Variants in MYO5A observed in about 807,000 individuals in gnomAD.
MYO5A encodes unconventional myosin-Va.
In MYO5A, 98 loss-of-function variants were observed where a neutral mutation model predicts 249.7. The ratio of observed to expected loss-of-function variants is 0.39; its 90% confidence interval spans 0.33 to 0.46. MYO5A has a LOEUF of 0.46. MYO5A is among the 20% of genes least tolerant of loss of function. MYO5A has a pLI of 0.98. For synonymous variants in MYO5A, 778 were observed against 810.6 expected (o/e 0.96, Z 0.68); for missense variants, 1,696 against 2,308.8 (o/e 0.73, Z 5.44).
Position 52,397,196 on chromosome 15 carries a change from C to T in MYO5A, c.1319+5G>A. 3 of 1,613,834 alleles carry T rather than the reference C, an allele frequency of 1.9e-6. No homozygotes were observed. Among genetic ancestry groups the T allele is most frequent in the Non-Finnish European group, 1.7e-6 (2 of 1,179,966 alleles). On this transcript the variant is annotated splice_donor_5th_base_variant and intron_variant, in intron 10 of 41. Coordinates refer to ENST00000399233, the MANE Select transcript of MYO5A (RefSeq NM_001382347.1). Reference sequence around the variant, plus strand: ...CTGGCAGACCAATTAGCCAAATATACTCACCCGTAAATGTCTAGCACACCA... The same window carrying T: ...CTGGCAGACCAATTAGCCAAATATATTCACCCGTAAATGTCTAGCACACCA...
chr15:52,481,577 G>A (rs769449013), intron 1 of MYO5A, among the ~76,000 whole-genome samples: 2 of 152,162 alleles, frequency 1.3e-5, no homozygotes, highest in Non-Finnish European at 1.5e-5. Context: ...CACCCAACTT[G>A]TGCAAAGAAA....
chr15:52,384,100 T>C, intron 15 of MYO5A, 61 bp downstream of exon 15: 6 of 1,604,320 alleles, frequency 3.7e-6, no homozygotes, highest in Non-Finnish European at 5.1e-6. Flanking sequence ...AGAGGGAAGA[T>C]CTGAGGTTTC....
In MYO5A at chr15:52,379,842, A is replaced by G. The variant is rs201531870; in HGVS notation, c.2079T>C (p.Ser693=). 1.9e-6 allele frequency: 3 copies of G among 1,614,148 alleles called. No homozygotes were observed. Among genetic ancestry groups the G allele is most frequent in the Non-Finnish European group, 1.7e-6 (2 of 1,180,008 alleles). ...ACGVLETIRI[S]AAGFPSRWTY... is the part of the protein sequence containing the mutation. ...CTCACCGTGAGGGGAAACCGGCCGC[A>G]CTGATTCGGATGGTTTCCAGGACAC... Residue 693 remains serine, a synonymous_variant, in exon 17 of 42, where the codon AGT becomes AGC. Transcript: ENST00000399233.
At chr15:52,416,442 T>C in intron 4 of MYO5A, 141 bp from the exon 5 acceptor site, 1 of 780,510 alleles carries the variant, frequency 1.3e-6, no homozygotes, top group Non-Finnish European at 2.1e-6. Context: ...CACCAAGGTC[T>C]CAGGTTCAAT....
intron 1 of MYO5A, among the ~76,000 whole-genome samples, chr15:52,510,039 A>G (rs1253662644): frequency 2.0e-5 from 3 of 152,242 alleles, no homozygotes; most frequent in East Asian, 3.8e-4. Context: ...TGTCACTGCT[A>G]TGGCAGTGAA....
chr15:52,334,665 A>T (rs192273649), intron 34 of MYO5A, among the ~76,000 whole-genome samples: 4 of 152,348 alleles, frequency 2.6e-5, no homozygotes, highest in African/African-American at 9.6e-5. Context: ...TTACTCATTC[A>T]CTCAACAAAC....
chr15:52,464,285 T>A (rs1341777851), intron 1 of MYO5A, among the ~76,000 whole-genome samples: 1 of 152,182 alleles, frequency 6.6e-6, no homozygotes, highest in East Asian at 1.9e-4. Context: ...TAACAGCAAC[T>A]CACTGGGGTC....
intron 10 of MYO5A, among the ~76,000 whole-genome samples, chr15:52,396,978 G>C (rs915194472): frequency 2.6e-5 from 4 of 152,180 alleles, no homozygotes; most frequent in African/African-American, 9.7e-5. Context: ...CTATGCACTA[G>C]CTAAGTAAAT....
intron 8 of MYO5A, 52 bp downstream of exon 8, chr15:52,407,240 C>T: frequency 7.6e-7 from 1 of 1,319,252 alleles, no homozygotes; most frequent in Non-Finnish European, 1.1e-6. Context: ...ACAAAGGTTG[C>T]TTGAGTAAAA....
intron 1 of MYO5A, among the ~76,000 whole-genome samples, chr15:52,523,225 C>A (rs1160538805): frequency 6.7e-6 from 1 of 149,970 alleles, no homozygotes; most frequent in Non-Finnish European, 1.5e-5. Context: ...CCTTCTGCCC[C>A]TGCCTCAGTC....
chr15:52,482,065 G>C (rs2076725482), intron 1 of MYO5A, among the ~76,000 whole-genome samples: 1 of 152,210 alleles, frequency 6.6e-6, no homozygotes, highest in African/African-American at 2.4e-5. Context: ...TGGCTAGGCA[G>C]TTTTTATATT....
At chr15:52,412,795 G>C (rs1448924147) in intron 5 of MYO5A, among the ~76,000 whole-genome samples, 1 of 152,136 alleles carries the variant, frequency 6.6e-6, no homozygotes, top group Non-Finnish European at 1.5e-5. Context: ...AATGATGCAT[G>C]AGTCACTCTT....
chr15:52,448,930 C>CT lies in MYO5A; in HGVS notation c.28-15646dup, dbSNP rs778732528. On this transcript the variant is annotated intron_variant, in intron 1 of 41. Coordinates refer to ENST00000399233, the MANE Select transcript of MYO5A (RefSeq NM_001382347.1). ...ATTAAGTACCCAGTCTCAGGTATTTCTTTTTTTTTTTTCTTTTCTTGTCTT... is the reference window on the plus strand; with the variant it reads ...ATTAAGTACCCAGTCTCAGGTATTTCTTTTTTTTTTTTTCTTTTCTTGTCTT... 7.5e-3 allele frequency among the ~76,000 whole-genome samples: 303 copies of CT among 40,316 alleles called. 2 individuals are homozygous for CT. The highest frequency in any genetic ancestry group is 0.022 in the South Asian group (29 of 1,298). 26.4% of individuals were successfully genotyped at this position (40,316 alleles called of 152,430 possible).
At chr15:52,470,511 G>A (rs1299448321) in intron 1 of MYO5A, among the ~76,000 whole-genome samples, 1 of 152,130 alleles carries the variant, frequency 6.6e-6, no homozygotes, top group Non-Finnish European at 1.5e-5. Context: ...ATTAGCCGGC[G>A]TGGTGGCGCA....
At chr15:52,324,700 A>G (rs1001345875) in intron 36 of MYO5A, among the ~76,000 whole-genome samples, 8 of 152,232 alleles carry the variant, frequency 5.3e-5, no homozygotes, top group Admixed American at 6.5e-5. Flanking sequence ...GTAAAAGTGC[A>G]CAGGATATAT....
chr15:52,427,260 T>C (rs1370480435), intron 3 of MYO5A, among the ~76,000 whole-genome samples: 1 of 152,194 alleles, frequency 6.6e-6, no homozygotes, highest in Non-Finnish European at 1.5e-5. Context: ...CATTTCTAAA[T>C]GCTGAACTTA....
chr15:52,362,996 A>T (rs1567053201), intron 24 of MYO5A, among the ~76,000 whole-genome samples: 1 of 152,244 alleles, frequency 6.6e-6, no homozygotes, highest in Non-Finnish European at 1.5e-5. Flanking sequence ...ATCTCTGTTT[A>T]ACCTAGTAGA....
chr15:52,389,224 T>A lies in MYO5A; in HGVS notation c.1668+14A>T. On this transcript the variant is annotated intron_variant, in intron 13 of 41. Coordinates refer to ENST00000399233, the MANE Select transcript of MYO5A (RefSeq NM_001382347.1). ...AAGTATTCAAAAAGAAAAACTGATA[T>A]AAAGCTTCCTTACTTTGTCAGCAAA... 1.2e-6 allele frequency: 2 copies of A among 1,611,518 alleles called. No individual in the cohort carries two copies. Among genetic ancestry groups the A allele is most frequent in the Non-Finnish European group, 8.5e-7 (1 of 1,178,116 alleles).
At chr15:52,528,054 A>G (rs549609513) in intron 1 of MYO5A, among the ~76,000 whole-genome samples, 1 of 152,290 alleles carries the variant, frequency 6.6e-6, no homozygotes, top group South Asian at 2.1e-4. Flanking sequence ...CTAAGAAAAG[A>G]CTGCCACTTC....
Sources: allele counts gnomAD v4.1 joint callset (sites outside exome capture counted in the v4.1 genomes callset), GRCh38; gene constraint gnomAD v4.1.1; transcripts MANE v1.5; gene names NCBI Gene and HGNC (gene_info 2026-07-23, HGNC 2026-07-21).